MCF2L2: variants seen among roughly 807,000 people sequenced by gnomAD.
MCF2L2 encodes the protein probable guanine nucleotide exchange factor MCF2L2.
MCF2L2 carries 102 observed loss-of-function variants against 150.2 expected under a neutral mutation model. That is an observed-to-expected ratio of 0.68 (90% CI 0.58 to 0.80). The LOEUF (loss-of-function observed/expected upper bound fraction) is 0.80, where lower values mean the gene tolerates loss of function less well. Ranked by LOEUF, MCF2L2 falls within the 30% of genes least tolerant of loss-of-function variation. MCF2L2 has a pLI of 0.00. For missense variants in MCF2L2, 1,256 were observed against 1,372.8 expected (o/e 0.91, Z 1.34); for synonymous variants, 465 against 491.3 (o/e 0.95, Z 0.71).
In MCF2L2 at chr3:183,219,934, C is replaced by T. The variant is rs756818507; in HGVS notation, c.2302-10G>A. The T allele has an allele frequency of 1.9e-6, 3 of 1,602,564 alleles. No individual in the cohort carries two copies. The highest frequency in any genetic ancestry group is 2.6e-6 in the Non-Finnish European group (3 of 1,172,418). ...CGAAATCCAGCAGACCCTGCATTAA[C>T]CCAAAAGTCTTGTTGAAAATTAAAA... On this transcript the variant is annotated splice_polypyrimidine_tract_variant and intron_variant, in intron 20 of 29. Transcript: ENST00000328913.
At chr3:183,230,479 T>C (rs895622498) in intron 16 of MCF2L2, among the ~76,000 whole-genome samples, 1 of 152,222 alleles carries the variant, frequency 6.6e-6, no homozygotes, top group African/African-American at 2.4e-5. Context: ...TACTAAACAT[T>C]CCCTTTTTAT....
At position 183,323,244 on chromosome 3, in the gene MCF2L2, A is replaced by T. The variant is rs201315071; in HGVS notation, c.594T>A (p.Asn198Lys). The change falls in exon 6 of 30, where the codon AAT (asparagine) becomes AAA (lysine). Residue 198 changes from asparagine to lysine, a missense_variant. By Grantham distance (94) the Asn-to-Lys change is moderately conservative (BLOSUM62 0). Coordinates refer to ENST00000328913, the MANE Select transcript of MCF2L2 (RefSeq NM_015078.4). ...TLEYRHGQWV[N>K]HRTAIENFAL... Reference sequence around the variant, plus strand: ...GTAAGCTGGTACTCACAGTGCGGTGATTTACCCACTGACCGTGGCGATATT... The same window carrying T: ...GTAAGCTGGTACTCACAGTGCGGTGTTTTACCCACTGACCGTGGCGATATT... 1 of 1,610,262 alleles carries T rather than the reference A, an allele frequency of 6.2e-7. No homozygotes were observed. Among genetic ancestry groups the T allele is most frequent in the African/African-American group, 1.3e-5 (1 of 74,948 alleles).
rs59554875 is a variant in MCF2L2, at chr3:183,244,205, T to TA, written c.1863-13189dup. Among the ~76,000 whole-genome samples the TA allele has an allele frequency of 1.1e-3, 162 of 146,818 alleles. 1 individual carries two copies. The highest frequency in any genetic ancestry group is 2.1e-3 in the South Asian group (10 of 4,660). ...ACCATTCCCAGTACCAAAATCTGATTAAAAAAAAAAAACAGGCAGAGGAAG... is the reference window on the plus strand; with the variant it reads ...ACCATTCCCAGTACCAAAATCTGATTAAAAAAAAAAAAACAGGCAGAGGAAG... On this transcript the variant is annotated intron_variant, in intron 15 of 29. Coordinates refer to ENST00000328913, the MANE Select transcript of MCF2L2 (RefSeq NM_015078.4).
At chr3:183,184,265 G>T (rs1265140283) in intron 27 of MCF2L2, among the ~76,000 whole-genome samples, 1 of 152,190 alleles carries the variant, frequency 6.6e-6, no homozygotes, top group Non-Finnish European at 1.5e-5. Context: ...TGATCCACCT[G>T]CCTTGGCCTC....
intron 3 of MCF2L2, among the ~76,000 whole-genome samples, chr3:183,363,916 T>C (rs192911796): frequency 2.6e-4 from 40 of 152,276 alleles, no homozygotes; most frequent in African/African-American, 9.4e-4. Context: ...AAAGTACACA[T>C]GGAACATCCA....
chr3:183,308,674 C>A (rs777399072), intron 10 of MCF2L2, among the ~76,000 whole-genome samples: 3 of 152,178 alleles, frequency 2.0e-5, no homozygotes, highest in Non-Finnish European at 4.4e-5. Flanking sequence ...CCTTGGTATA[C>A]TTTGTTTTGT....
intron 15 of MCF2L2, among the ~76,000 whole-genome samples, chr3:183,245,370 G>GCA (rs1724203080): frequency 6.6e-6 from 1 of 152,202 alleles, no homozygotes; most frequent in Non-Finnish European, 1.5e-5. Context: ...GTAAACTCCA[G>GCA]CAGGGGCTGG....
chr3:183,180,395 G>T, intron 27 of MCF2L2: 1 of 459,108 alleles, frequency 2.2e-6, no homozygotes, highest in Non-Finnish European at 3.8e-6. Context: ...TGCTGTTCAT[G>T]GCCCTACCTC....
intron 15 of MCF2L2, among the ~76,000 whole-genome samples, chr3:183,240,045 A>C (rs531045676): frequency 6.6e-6 from 1 of 152,320 alleles, no homozygotes; most frequent in East Asian, 1.9e-4. Context: ...TCTCTCTGTC[A>C]CCCAGGCTCC....
At chr3:183,343,831 T>G (rs1730797111) in intron 3 of MCF2L2, among the ~76,000 whole-genome samples, 1 of 152,134 alleles carries the variant, frequency 6.6e-6, no homozygotes, top group Non-Finnish European at 1.5e-5. Flanking sequence ...AATAAATATG[T>G]CACAACAATA....
chr3:183,310,812 A>T (rs1105132), intron 9 of MCF2L2, 103 bp downstream of exon 9: 176,400 of 736,814 alleles, frequency 0.24, 23,200 homozygotes, highest in African/African-American at 0.41. Context: ...AGAAAGCTGG[A>T]TTAGGGAAAA....
At chr3:183,250,970 C>A (rs1339649918) in intron 15 of MCF2L2, among the ~76,000 whole-genome samples, 2 of 152,208 alleles carry the variant, frequency 1.3e-5, no homozygotes, top group Admixed American at 1.3e-4. Flanking sequence ...CCCGTCACTG[C>A]GATTGCACTA....
chr3:183,379,158 T>C, intron 3 of MCF2L2, 139 bp downstream of exon 3: 3 of 566,718 alleles, frequency 5.3e-6, no homozygotes, highest in Non-Finnish European at 9.1e-6. Flanking sequence ...GACTGATGGG[T>C]GACAGAAGCC....
Position 183,270,596 on chromosome 3 carries a change from CAA to C in MCF2L2, c.1862+6274_1862+6275del. Reference sequence around the variant, plus strand: ...ATGTAATCTCCGGTGATGTAGCTGCCAAAGTCTATGAGGCATCACAGACACTA... The same window carrying C: ...ATGTAATCTCCGGTGATGTAGCTGCCAGTCTATGAGGCATCACAGACACTA... On this transcript the variant is annotated intron_variant, in intron 15 of 29. Coordinates refer to ENST00000328913, the MANE Select transcript of MCF2L2 (RefSeq NM_015078.4). The surrounding 1 kb of genome is among the most constrained non-coding windows in gnomAD (Gnocchi z 4.5). 6.2e-7 allele frequency: 1 copy of C among 1,614,154 alleles called. No homozygotes were observed. Among genetic ancestry groups the C allele is most frequent in the Non-Finnish European group, 8.5e-7 (1 of 1,180,036 alleles).
rs377551511 is a variant in MCF2L2, at chr3:183,315,168, C to T, written c.753+2900G>A. Among the ~76,000 whole-genome samples the T allele has an allele frequency of 3.5e-3, 524 of 150,362 alleles. 5 individuals carry two copies. The highest frequency in any genetic ancestry group is 0.012 in the African/African-American group (476 of 40,856). ...GCCAGGCTCGTCTCGAACTCCTGAC[C>T]TCAGGTGATCCACCCCCGCCTCGGC... On this transcript the variant is annotated intron_variant, in intron 7 of 29. Transcript: ENST00000328913.
intron 26 of MCF2L2, among the ~76,000 whole-genome samples, 181 bp downstream of exon 26, chr3:183,195,041 C>T (rs1213367430): frequency 2.0e-5 from 3 of 152,110 alleles, no homozygotes; most frequent in Non-Finnish European, 2.9e-5. Flanking sequence ...CCTTGGCCTC[C>T]CAAAGTGCTG....
At chr3:183,380,124 G>A (rs1316318584) in intron 2 of MCF2L2, among the ~76,000 whole-genome samples, 5 of 152,142 alleles carry the variant, frequency 3.3e-5, no homozygotes, top group Admixed American at 6.5e-5. Flanking sequence ...ATATCCCTGT[G>A]AAAGTAAAAA....
intron 15 of MCF2L2, chr3:183,269,608 G>C: frequency 1.8e-6 from 1 of 555,844 alleles, no homozygotes; most frequent in Non-Finnish European, 3.1e-6. Context: ...TCTACAGGGT[G>C]TTCCATTCTT....
chr3:183,333,205 CCTGA>C (rs1577069405), intron 5 of MCF2L2, among the ~76,000 whole-genome samples: 1 of 152,064 alleles, frequency 6.6e-6, no homozygotes, highest in Non-Finnish European at 1.5e-5. Flanking sequence ...TGCCACCATG[CCTGA>C]CTAATTTTTG....
Sources: gnomAD v4.1 joint callset for allele counts (sites outside exome capture counted in the v4.1 genomes callset) on GRCh38, gnomAD v4.1.1 for gene constraint, Gnocchi (gnomAD v3.1) non-coding constraint, MANE v1.5 for transcripts, NCBI Gene and HGNC (gene_info 2026-07-23, HGNC 2026-07-21) for gene names.